FAM171A1: variants seen among roughly 807,000 people sequenced by gnomAD.
The protein encoded by FAM171A1 is family with sequence similarity 171 member A1.
Under a neutral mutation model 74.9 loss-of-function variants are expected in FAM171A1, and 23 were observed. The observed-to-expected ratio is 0.31, with a 90% CI of 0.22 to 0.44. The LOEUF is 0.44. FAM171A1 is among the 20% of genes least tolerant of loss of function. The pLI is 1.00. For synonymous variants in FAM171A1, 527 were observed against 505.7 expected (o/e 1.04, Z -0.57); for missense variants, 1,162 against 1,159.2 (o/e 1.00, Z -0.03).
chr10:15,292,906 AT>A (rs11289774), intron 1 of FAM171A1, among the ~76,000 whole-genome samples: 151,573 of 152,192 alleles, frequency 1, 75,482 homozygotes, highest in Middle Eastern at 1. Context: ...CACTTATTCA[AT>A]TTTTTTTGAT....
At chr10:15,276,389 G>A (rs1055853407) in intron 2 of FAM171A1, among the ~76,000 whole-genome samples, 1 of 152,110 alleles carries the variant, frequency 6.6e-6, no homozygotes, top group Non-Finnish European at 1.5e-5. Flanking sequence ...CTGTGTTGGC[G>A]AAGCTGGTCT....
At chr10:15,316,189 A>G (rs1378381595) in intron 1 of FAM171A1, among the ~76,000 whole-genome samples, 2 of 152,200 alleles carry the variant, frequency 1.3e-5, no homozygotes, top group Non-Finnish European at 2.9e-5. Flanking sequence ...CATTACTCTA[A>G]GTTTACAACA....
chr10:15,266,589 G>C lies in FAM171A1; in HGVS notation c.418+9266C>G, dbSNP rs184547979. Among the ~76,000 whole-genome samples the C allele has an allele frequency of 3.9e-4, 60 of 152,264 alleles. No homozygotes were observed. The East Asian group carries it at 0.01, about 26-fold the overall frequency. Reference sequence around the variant, plus strand: ...AACACTCAGAAGGGAGGTGAGGCCAGGCATGGTGGCTCACACCTGTAACCC... The same window carrying C: ...AACACTCAGAAGGGAGGTGAGGCCACGCATGGTGGCTCACACCTGTAACCC... On this transcript the variant is annotated intron_variant, in intron 3 of 7. Transcript: ENST00000378116.
At chr10:15,286,122 G>A (rs1835032657) in intron 1 of FAM171A1, among the ~76,000 whole-genome samples, 1 of 152,182 alleles carries the variant, frequency 6.6e-6, no homozygotes, top group African/African-American at 2.4e-5. Flanking sequence ...ACCGACACAA[G>A]CTACTGCAAT....
At chr10:15,312,320 G>A (rs576988009) in intron 1 of FAM171A1, among the ~76,000 whole-genome samples, 60 of 151,916 alleles carry the variant, frequency 3.9e-4, no homozygotes, top group African/African-American at 1.4e-3. Flanking sequence ...TAAGTCTAAA[G>A]CCCTGTTGCT....
chr10:15,309,495 T>G (rs555244327), intron 1 of FAM171A1, among the ~76,000 whole-genome samples: 1 of 152,402 alleles, frequency 6.6e-6, no homozygotes, highest in Non-Finnish European at 1.5e-5. Flanking sequence ...CGTAAGCCAC[T>G]GTGCCTGGGC....
chr10:15,297,916 T>C (rs1588539799), intron 1 of FAM171A1, among the ~76,000 whole-genome samples: 1 of 152,334 alleles, frequency 6.6e-6, no homozygotes, highest in East Asian at 1.9e-4. Context: ...TTGTAACTAA[T>C]CAAGGGTTAT....
At chr10:15,358,427 C>T (rs1835957834) in intron 1 of FAM171A1, among the ~76,000 whole-genome samples, 1 of 152,174 alleles carries the variant, frequency 6.6e-6, no homozygotes. Context: ...TATATGAATC[C>T]AATCATACCT....
intron 5 of FAM171A1, among the ~76,000 whole-genome samples, chr10:15,247,662 T>A (rs1834452242): frequency 6.6e-6 from 1 of 151,800 alleles, no homozygotes; most frequent in East Asian, 1.9e-4. Flanking sequence ...GACCTCAATC[T>A]GGGCACTTGG....
chr10:15,266,109 C>T (rs571674070), intron 3 of FAM171A1, among the ~76,000 whole-genome samples: 139 of 152,322 alleles, frequency 9.1e-4, no homozygotes, highest in Non-Finnish European at 1.5e-3. Flanking sequence ...CTGACCTGCT[C>T]CGAGTGTCTT....
intron 3 of FAM171A1, among the ~76,000 whole-genome samples, chr10:15,269,845 C>A (rs919945115): frequency 1.3e-5 from 2 of 152,226 alleles, no homozygotes; most frequent in Admixed American, 6.5e-5. Flanking sequence ...GTGTGCCTCA[C>A]AGGGAAAATA....
In FAM171A1 at chr10:15,213,407, G is replaced by A; in HGVS notation, c.2181C>T (p.Leu727=). The A allele has an allele frequency of 1.9e-6, 3 of 1,614,158 alleles. No homozygotes were observed. The highest frequency in any genetic ancestry group is 2.5e-6 in the Non-Finnish European group (3 of 1,180,038). ...NAHVRHSYID[L]QRAGRNGSND... ...TACTTCCGTTCCTTCCAGCTCTTTGGAGATCAATGTATGAATGTCTAACGT... is the reference window on the plus strand; with the variant it reads ...TACTTCCGTTCCTTCCAGCTCTTTGAAGATCAATGTATGAATGTCTAACGT... Residue 727 remains leucine (L), a synonymous_variant, in exon 8 of 8, where the codon CTC becomes CTT. Transcript: ENST00000378116. The surrounding 1 kb of genome is among the most constrained non-coding windows in gnomAD (Gnocchi z 6.8).
intron 1 of FAM171A1, among the ~76,000 whole-genome samples, chr10:15,357,769 A>G (rs923049057): frequency 2.6e-5 from 4 of 152,210 alleles, no homozygotes; most frequent in Non-Finnish European, 2.9e-5. Flanking sequence ...TGAGCAGGTA[A>G]GTAATAAGGC....
chr10:15,248,219 G>A (rs988333777), intron 5 of FAM171A1, among the ~76,000 whole-genome samples: 4 of 151,864 alleles, frequency 2.6e-5, no homozygotes, highest in African/African-American at 9.7e-5. Flanking sequence ...AGACTTATGG[G>A]TAATTTTTAT....
chr10:15,362,139 A>T (rs1286816678), intron 1 of FAM171A1, among the ~76,000 whole-genome samples: 1 of 152,218 alleles, frequency 6.6e-6, no homozygotes, highest in Non-Finnish European at 1.5e-5. Context: ...TCCACATTTG[A>T]TCATCTTATC....
intron 5 of FAM171A1, among the ~76,000 whole-genome samples, chr10:15,245,986 C>T (rs796657163): frequency 2.6e-5 from 4 of 152,242 alleles, no homozygotes; most frequent in Admixed American, 1.3e-4. Context: ...TTTAGAATTC[C>T]GGCATTCTTC....
At chr10:15,335,619 T>C (rs1835691497) in intron 1 of FAM171A1, among the ~76,000 whole-genome samples, 2 of 152,218 alleles carry the variant, frequency 1.3e-5, no homozygotes, top group African/African-American at 2.4e-5. Flanking sequence ...ATGTCGAGAT[T>C]TGACAAATAA....
intron 3 of FAM171A1, among the ~76,000 whole-genome samples, chr10:15,272,145 CAT>C (rs1177856290): frequency 6.6e-6 from 1 of 152,158 alleles, no homozygotes; most frequent in Non-Finnish European, 1.5e-5. Flanking sequence ...AGACCCATCT[CAT>C]GTGCAGAGAC....
At chr10:15,281,013 C>T (rs2352777) in intron 2 of FAM171A1, among the ~76,000 whole-genome samples, 85,292 of 152,044 alleles carry the variant, frequency 0.56, 25,064 homozygotes, top group South Asian at 0.78. Context: ...GATTGGATCA[C>T]GGGGGCAGTT....
Sources: gnomAD v4.1 joint callset for allele counts (sites outside exome capture counted in the v4.1 genomes callset) on GRCh38, gnomAD v4.1.1 for gene constraint, Gnocchi (gnomAD v3.1) non-coding constraint, MANE v1.5 for transcripts, NCBI Gene and HGNC (gene_info 2026-07-23, HGNC 2026-07-21) for gene names.